Variants in ATP8B4 observed in about 807,000 individuals in gnomAD.
The protein encoded by ATP8B4 is probable phospholipid-transporting ATPase IM.
ATP8B4 carries 133 observed loss-of-function variants against 145.6 expected under a neutral mutation model. That is an observed-to-expected ratio of 0.91 (90% CI 0.79 to 1.05). The LOEUF (loss-of-function observed/expected upper bound fraction) is 1.05, where lower values mean the gene tolerates loss of function less well. Among genes scored for constraint, ATP8B4 ranks in the 50% least tolerant of loss-of-function variants. The pLI is 0.00. For missense variants in ATP8B4, 1,458 were observed against 1,425.2 expected (o/e 1.02, Z -0.37); for synonymous variants, 507 against 492.9 (o/e 1.03, Z -0.38).
At chr15:50,105,635 C>T (rs1443747652) in intron 2 of ATP8B4, among the ~76,000 whole-genome samples, 2 of 151,898 alleles carry the variant, frequency 1.3e-5, no homozygotes, top group Admixed American at 6.6e-5. Context: ...ATAATTAGAG[C>T]CCTGTAAAGT....
chr15:50,172,919 C>T (rs1229053339), intron 1 of ATP8B4, among the ~76,000 whole-genome samples: 1 of 150,736 alleles, frequency 6.6e-6, no homozygotes, highest in African/African-American at 2.5e-5. Context: ...GCCGCCCCGT[C>T]CGGGAAGTGA....
intron 1 of ATP8B4, among the ~76,000 whole-genome samples, chr15:50,142,346 AAC>A (rs1199314622): frequency 1.3e-5 from 2 of 152,182 alleles, no homozygotes; most frequent in African/African-American, 4.8e-5. Flanking sequence ...TCCAGGACAC[AAC>A]TCAGAGTTAT....
chr15:49,946,398 T>C (rs746668456), intron 14 of ATP8B4, among the ~76,000 whole-genome samples: 2 of 152,172 alleles, frequency 1.3e-5, no homozygotes, highest in African/African-American at 4.8e-5. Context: ...GGCTCAGTCA[T>C]CCTTAACACA....
intron 2 of ATP8B4, among the ~76,000 whole-genome samples, chr15:50,102,168 G>A (rs2056401467): frequency 6.6e-6 from 1 of 151,590 alleles, no homozygotes; most frequent in South Asian, 2.1e-4. Flanking sequence ...ACAATCTAAG[G>A]TCACATCTCA....
chr15:50,178,818 AC>A (rs2044801950), intron 1 of ATP8B4, among the ~76,000 whole-genome samples: 1 of 152,232 alleles, frequency 6.6e-6, no homozygotes, highest in Non-Finnish European at 1.5e-5. Flanking sequence ...GTTCAGGTAT[AC>A]TTTTTTAGTG....
intron 3 of ATP8B4, among the ~76,000 whole-genome samples, chr15:50,055,970 G>A (rs2052564121): frequency 6.6e-6 from 1 of 152,120 alleles, no homozygotes; most frequent in South Asian, 2.1e-4. Context: ...CTGGTGCAGA[G>A]TCCACAGCTT....
At chr15:49,917,122 C>A in intron 19 of ATP8B4, 83 bp from the exon 20 acceptor site, 1 of 1,336,334 alleles carries the variant, frequency 7.5e-7, no homozygotes. Context: ...GAGGGCTTAG[C>A]TGTATTTTCT....
Position 49,860,152 on chromosome 15 carries a change from CT to C in ATP8B4, c.*41del. On this transcript the variant is annotated 3_prime_UTR_variant, in exon 28 of 28. Coordinates refer to ENST00000284509, the MANE Select transcript of ATP8B4 (RefSeq NM_024837.4). ...GGAGCCAGCAGAATTTCAGCTCCACCTGAAGTGAAAAGATAACTACGTGGTT... is the reference window on the plus strand; with the variant it reads ...GGAGCCAGCAGAATTTCAGCTCCACCGAAGTGAAAAGATAACTACGTGGTT... The C allele has an allele frequency of 6.4e-7, 1 of 1,556,368 alleles. No homozygotes were observed. The highest frequency in any genetic ancestry group is 8.7e-7 in the Non-Finnish European group (1 of 1,150,998).
intron 21 of ATP8B4, among the ~76,000 whole-genome samples, chr15:49,899,483 A>G (rs574118690): frequency 6.6e-6 from 1 of 152,312 alleles, no homozygotes; most frequent in Admixed American, 6.5e-5. Context: ...CTGGATGGGT[A>G]AATGAATATA....
At chr15:49,979,424 G>T (rs796198412) in intron 12 of ATP8B4, among the ~76,000 whole-genome samples, 193 bp downstream of exon 12, 3 of 152,062 alleles carry the variant, frequency 2.0e-5, no homozygotes, top group Non-Finnish European at 4.4e-5. Flanking sequence ...AAAATTAACC[G>T]CATTTATTGT....
intron 1 of ATP8B4, among the ~76,000 whole-genome samples, chr15:50,114,929 T>C (rs1175433199): frequency 6.6e-6 from 1 of 152,238 alleles, no homozygotes; most frequent in East Asian, 1.9e-4. Context: ...GCCTACTCTA[T>C]AGCTAACATG....
chr15:49,898,505 G>A (rs2037667186), intron 21 of ATP8B4, among the ~76,000 whole-genome samples: 1 of 152,126 alleles, frequency 6.6e-6, no homozygotes, highest in South Asian at 2.1e-4. Flanking sequence ...CCATTTATAT[G>A]TCTTCCTTGA....
chr15:50,080,145 C>A (rs1046207226), intron 2 of ATP8B4, among the ~76,000 whole-genome samples: 2 of 152,130 alleles, frequency 1.3e-5, no homozygotes, highest in Non-Finnish European at 2.9e-5. Flanking sequence ...ACGATAATAA[C>A]CTTAAATCCC....
intron 10 of ATP8B4, among the ~76,000 whole-genome samples, chr15:49,983,622 C>A (rs1252311706): frequency 6.6e-6 from 1 of 152,186 alleles, no homozygotes; most frequent in Non-Finnish European, 1.5e-5. Context: ...TGTCTATTTA[C>A]AAACATTACA....
At chr15:49,875,747 C>A (rs975842862) in intron 25 of ATP8B4, among the ~76,000 whole-genome samples, 2 of 152,166 alleles carry the variant, frequency 1.3e-5, no homozygotes, top group Non-Finnish European at 2.9e-5. Flanking sequence ...AATAGAGACA[C>A]AACTCAAGAT....
chr15:49,963,535 A>G (rs1202897490), intron 13 of ATP8B4, among the ~76,000 whole-genome samples: 1 of 152,238 alleles, frequency 6.6e-6, no homozygotes, highest in African/African-American at 2.4e-5. Flanking sequence ...TAGACTGGGT[A>G]AAGAAAATGT....
chr15:49,939,387 TCC>T (rs1302078644), intron 14 of ATP8B4, among the ~76,000 whole-genome samples: 1 of 150,796 alleles, frequency 6.6e-6, no homozygotes, highest in East Asian at 2.0e-4. Flanking sequence ...AGAGAAAAGA[TCC>T]AAAAAACATA....
chr15:49,972,758 A>T lies in ATP8B4; in HGVS notation c.1067T>A (p.Phe356Tyr), dbSNP rs2045282970. The part of the protein sequence containing the change: ...VEVIRLGHSY[F>Y]INWDRKMYYS... ...ATACATCTTCCGGTCCCAGTTTATA[A>T]AATAACTGTGTCCTAGACGAATTAC... The change falls in exon 13 of 28, where the codon TTT becomes TAT. Residue 356 changes from phenylalanine to tyrosine, a missense_variant. Phe to Tyr is a conservative substitution (Grantham distance 22). Transcript: ENST00000284509. 1 of 1,613,846 alleles carries T rather than the reference A, an allele frequency of 6.2e-7. No individual in the cohort carries two copies. Among genetic ancestry groups the T allele is most frequent in the Admixed American group, 1.7e-5 (1 of 59,942 alleles).
At chr15:50,042,387 C>T (rs148402236) in intron 5 of ATP8B4, among the ~76,000 whole-genome samples, 19 of 152,244 alleles carry the variant, frequency 1.2e-4, no homozygotes, top group African/African-American at 4.3e-4. Context: ...GGAAATATCA[C>T]ATGAACCAAC....
Sources: allele counts gnomAD v4.1 joint callset (sites outside exome capture counted in the v4.1 genomes callset), GRCh38; gene constraint gnomAD v4.1.1; transcripts MANE v1.5; gene names NCBI Gene and HGNC (gene_info 2026-07-23, HGNC 2026-07-21).